Variants in RIN3 observed in about 807,000 individuals in gnomAD.
RIN3 encodes the protein RAB5 interacting protein 3.
A neutral mutation model predicts 76.3 loss-of-function variants in RIN3; 54 were observed. That is an observed-to-expected ratio of 0.71 (90% CI 0.57 to 0.89). The LOEUF is 0.89. RIN3 is among the 40% of genes least tolerant of loss of function. The pLI is 0.00. For synonymous variants in RIN3, 576 were observed against 564.0 expected (o/e 1.02, Z -0.30); for missense variants, 1,256 against 1,322.1 (o/e 0.95, Z 0.78).
chr14:92,684,672 G>C (rs1228279651), intron 8 of RIN3, among the ~76,000 whole-genome samples: 1 of 152,054 alleles, frequency 6.6e-6, no homozygotes, highest in Admixed American at 6.5e-5. Flanking sequence ...TGAGGTTTCT[G>C]TTTCTTGTGT....
chr14:92,554,214 G>A (rs1271939739), intron 1 of RIN3, among the ~76,000 whole-genome samples: 1 of 152,204 alleles, frequency 6.6e-6, no homozygotes, highest in Non-Finnish European at 1.5e-5. Context: ...AACTCAGGAT[G>A]CGAGGCTCCG....
intron 7 of RIN3, among the ~76,000 whole-genome samples, chr14:92,674,375 C>T (rs1003177411): frequency 4.6e-5 from 7 of 152,160 alleles, no homozygotes; most frequent in Non-Finnish European, 8.8e-5. Context: ...TGTGAATGTG[C>T]AGAGCTCACT....
At chr14:92,561,020 T>TA (rs1324990452) in intron 2 of RIN3, among the ~76,000 whole-genome samples, 2,397 of 23,634 alleles carry the variant, frequency 0.1, 498 homozygotes, top group Non-Finnish European at 0.15. Flanking sequence ...AAACTCTGTC[T>TA]AAAAAAAAAA....
intron 1 of RIN3, among the ~76,000 whole-genome samples, chr14:92,553,247 G>A (rs932459063): frequency 1.3e-5 from 2 of 152,130 alleles, no homozygotes; most frequent in African/African-American, 4.8e-5. Flanking sequence ...CTGGCCCGGG[G>A]GAGGCTGGGG....
At chr14:92,633,787 C>G (rs1044837994) in intron 4 of RIN3, among the ~76,000 whole-genome samples, 5 of 151,964 alleles carry the variant, frequency 3.3e-5, no homozygotes, top group African/African-American at 1.2e-4. Context: ...AAAAAGTAAA[C>G]TGGACTAGAA....
At chr14:92,687,858 T>C in intron 9 of RIN3, 68 bp from the exon 10 acceptor site, 2 of 1,383,274 alleles carry the variant, frequency 1.4e-6, no homozygotes, top group Non-Finnish European at 9.5e-7. Context: ...GGGAGGGGCC[T>C]GGGCCGGGAG....
At chr14:92,625,716 G>A (rs1034333721) in intron 4 of RIN3, among the ~76,000 whole-genome samples, 3 of 152,152 alleles carry the variant, frequency 2.0e-5, no homozygotes, top group Admixed American at 6.5e-5. Flanking sequence ...GAGGGTCTGG[G>A]TCCGCTAGTT....
At chr14:92,562,035 C>T (rs1165691641) in intron 2 of RIN3, among the ~76,000 whole-genome samples, 2 of 152,164 alleles carry the variant, frequency 1.3e-5, no homozygotes, top group African/African-American at 4.8e-5. Context: ...TCCCATGTTA[C>T]ATTTAGTCAT....
chr14:92,600,998 CAT>C (rs1208544164), intron 3 of RIN3, among the ~76,000 whole-genome samples: 1 of 152,174 alleles, frequency 6.6e-6, no homozygotes, highest in East Asian at 1.9e-4. Flanking sequence ...CCAGGGGCCA[CAT>C]GTGGCTAGTG....
chr14:92,615,318 G>A (rs1255336611), intron 3 of RIN3, 89 bp from the exon 4 acceptor site: 10 of 1,071,252 alleles, frequency 9.3e-6, no homozygotes, highest in Admixed American at 1.7e-5. Flanking sequence ...CAGCAGACAC[G>A]CCCCCCGACC....
chr14:92,560,463 C>T (rs1022871080), intron 2 of RIN3, among the ~76,000 whole-genome samples: 14 of 152,250 alleles, frequency 9.2e-5, no homozygotes, highest in Non-Finnish European at 1.5e-4. Context: ...TGTGCTGTTA[C>T]GAAGATTGGC....
chr14:92,647,935 G>A (rs1304566177), intron 5 of RIN3, among the ~76,000 whole-genome samples: 1 of 152,104 alleles, frequency 6.6e-6, no homozygotes, highest in Non-Finnish European at 1.5e-5. Flanking sequence ...CCTTCTTTAG[G>A]GGAACTCTCG....
At chr14:92,635,621 G>A (rs1886745748) in intron 4 of RIN3, among the ~76,000 whole-genome samples, 1 of 152,164 alleles carries the variant, frequency 6.6e-6, no homozygotes, top group African/African-American at 2.4e-5. Flanking sequence ...GGAGGCTGAG[G>A]CAGGCAGATC....
chr14:92,561,044 A>AAAAATATATATATATATATATATATAT (rs1555383856), intron 2 of RIN3, among the ~76,000 whole-genome samples: 2 of 24,396 alleles, frequency 8.2e-5, no homozygotes, highest in Non-Finnish European at 1.6e-4. Flanking sequence ...AAAAAAAAAA[A>AAAAATATATATATATATATATATATAT]ATATATATAT....
chr14:92,644,302 C>T (rs564638202), intron 5 of RIN3: 42 of 152,328 alleles, frequency 2.8e-4, no homozygotes, highest in African/African-American at 8.4e-4. Flanking sequence ...ACCTCTTGAC[C>T]CCGCTATGGG....
chr14:92,613,054 G>A (rs929990134), intron 3 of RIN3, among the ~76,000 whole-genome samples: 2 of 152,234 alleles, frequency 1.3e-5, no homozygotes, highest in Non-Finnish European at 2.9e-5. Flanking sequence ...CAATGGGAAG[G>A]AAAGCCGCTG....
chr14:92,655,830 G>C (rs1012126418), intron 6 of RIN3, among the ~76,000 whole-genome samples: 4 of 152,232 alleles, frequency 2.6e-5, no homozygotes, highest in African/African-American at 9.6e-5. Flanking sequence ...AGGACACAGC[G>C]TCCATCCTGG....
intron 1 of RIN3, among the ~76,000 whole-genome samples, chr14:92,518,498 C>G (rs1030288647): frequency 6.6e-6 from 1 of 152,150 alleles, no homozygotes; most frequent in Non-Finnish European, 1.5e-5. Context: ...CTGGTGACCC[C>G]CACCACAAGG....
At chr14:92,584,955 G>A (rs1408780189) in intron 3 of RIN3, among the ~76,000 whole-genome samples, 1 of 152,170 alleles carries the variant, frequency 6.6e-6, no homozygotes, top group Non-Finnish European at 1.5e-5. Flanking sequence ...TTTACCCCAT[G>A]TTTCCCAGGT....
Sources: gnomAD v4.1 joint callset for allele counts (sites outside exome capture counted in the v4.1 genomes callset) on GRCh38, gnomAD v4.1.1 for gene constraint, MANE v1.5 for transcripts, NCBI Gene and HGNC (gene_info 2026-07-23, HGNC 2026-07-21) for gene names.